Variants in UGT3A2 observed in about 807,000 individuals in gnomAD.
UGT3A2 encodes the protein UDP-glycosyltransferase 3A2.
UGT3A2 carries 32 observed loss-of-function variants against 39.8 expected under a neutral mutation model. The observed-to-expected ratio is 0.80, with a 90% confidence interval of 0.61 to 1.08. The LOEUF (loss-of-function observed/expected upper bound fraction) is 1.08, where lower values mean the gene tolerates loss of function less well. UGT3A2 is among the 50% of genes least tolerant of loss of function. The pLI, the probability that UGT3A2 is intolerant of heterozygous loss-of-function variation, is 0.00. For missense variants in UGT3A2, 611 were observed against 637.1 expected (o/e 0.96, Z 0.44); for synonymous variants, 241 against 230.7 (o/e 1.04, Z -0.40).
intron 4 of UGT3A2, among the ~76,000 whole-genome samples, chr5:36,044,933 A>T (rs569486189): frequency 2.2e-4 from 33 of 152,272 alleles, no homozygotes; most frequent in African/African-American, 6.0e-4. Context: ...GATTCAATTC[A>T]ATCTCTATAA....
intron 2 of UGT3A2, among the ~76,000 whole-genome samples, chr5:36,062,607 T>C (rs1561498712): frequency 6.6e-6 from 1 of 152,140 alleles, no homozygotes; most frequent in Admixed American, 6.5e-5. Flanking sequence ...TCTATATCTC[T>C]GTTTTGGTAC....
intron 6 of UGT3A2, among the ~76,000 whole-genome samples, chr5:36,037,183 T>C (rs1337301632): frequency 6.6e-6 from 1 of 152,106 alleles, no homozygotes; most frequent in African/African-American, 2.4e-5. Context: ...GGAGGATCAT[T>C]TGAGCCCAGG....
intron 2 of UGT3A2, among the ~76,000 whole-genome samples, chr5:36,056,953 T>G (rs1008615424): frequency 1.1e-4 from 17 of 152,240 alleles, no homozygotes; most frequent in Non-Finnish European, 8.8e-5. Context: ...TTTCCTTCCT[T>G]CTGAGTCATC....
rs770447742 is a variant in UGT3A2 at position 36,066,770 on chromosome 5, A to T, written c.20T>A (p.Leu7His). The stretch of plus-strand genomic sequence containing the variant: ...AGGGAGAAGGAAGCCCACTAGAAGA[A>T]GCACTCGCTGCCCAGCCATGCTCAC... MAGQRV[L>H]LLVGFLLPGV... The change falls in exon 1 of 7, where the codon CTT (leucine) becomes CAT (histidine). Residue 7 changes from leucine to histidine, a missense_variant. Coordinates refer to ENST00000282507, the MANE Select transcript of UGT3A2 (RefSeq NM_174914.4). 1 of 1,614,214 alleles carries T rather than the reference A, an allele frequency of 6.2e-7. No homozygotes were observed.
chr5:36,064,893 T>G (rs959456019), intron 1 of UGT3A2, among the ~76,000 whole-genome samples: 2 of 152,128 alleles, frequency 1.3e-5, no homozygotes, highest in African/African-American at 4.8e-5. Flanking sequence ...CTACTTAGAA[T>G]CCAAATCCTT....
intron 5 of UGT3A2, among the ~76,000 whole-genome samples, chr5:36,039,244 C>T (rs577833420): frequency 2.0e-5 from 3 of 152,294 alleles, no homozygotes; most frequent in East Asian, 3.9e-4. Flanking sequence ...GGACTGCAGA[C>T]ATCAGGTCTG....
intron 2 of UGT3A2, among the ~76,000 whole-genome samples, chr5:36,054,234 T>C (rs143974655): frequency 1.7e-3 from 258 of 152,304 alleles, no homozygotes; most frequent in Admixed American, 3.9e-3. Flanking sequence ...AAAATCCTTA[T>C]ATTAATCACA....
Position 36,035,112 on chromosome 5 carries a change from C to T in UGT3A2, c.*586G>A, listed in dbSNP as rs1176240225. On this transcript the variant is annotated 3_prime_UTR_variant, in exon 7 of 7. Coordinates refer to ENST00000282507, the MANE Select transcript of UGT3A2 (RefSeq NM_174914.4). ...AAGCCTGCTCAGCCAAGAAGGAGCT[C>T]ACTGTGGGCACCAGAGACAGGGACC... 1 of 154,726 alleles carries T rather than the reference C, an allele frequency of 6.5e-6. No individual in the cohort carries two copies. The highest frequency in any genetic ancestry group is 2.4e-5 in the African/African-American group (1 of 41,446). The allele number at this position is 154,726 out of a possible 1,614,324, so 9.6% of individuals were successfully genotyped here. A position where few individuals can be genotyped will look rare whatever the true frequency, so the allele number is the denominator to read the frequency against.
chr5:36,046,510 C>T (rs958039554), intron 4 of UGT3A2, among the ~76,000 whole-genome samples: 9 of 152,058 alleles, frequency 5.9e-5, no homozygotes, highest in African/African-American at 1.9e-4. Context: ...AAGCCAGACA[C>T]GGAAAGACAA....
intron 4 of UGT3A2, among the ~76,000 whole-genome samples, chr5:36,041,574 G>C (rs1742007561): frequency 6.6e-6 from 1 of 152,108 alleles, no homozygotes; most frequent in Admixed American, 6.6e-5. Flanking sequence ...GGGAAAGTAA[G>C]GGAAGAGAAC....
At chr5:36,057,810 G>A (rs1287261) in intron 2 of UGT3A2, among the ~76,000 whole-genome samples, 87,344 of 151,974 alleles carry the variant, frequency 0.57, 29,653 homozygotes, top group Non-Finnish European at 0.75. Flanking sequence ...AAAGTGCTGG[G>A]ATTACAAATG....
chr5:36,037,751 T>A, intron 6 of UGT3A2, 46 bp downstream of exon 6: 1 of 1,605,632 alleles, frequency 6.2e-7, no homozygotes, highest in Non-Finnish European at 8.5e-7. Context: ...CTTAGTGTTT[T>A]TGCCTTCATT....
At chr5:36,049,961 C>T (rs12653480) in intron 3 of UGT3A2, among the ~76,000 whole-genome samples, 5,973 of 151,874 alleles carry the variant, frequency 0.039, 188 homozygotes, top group East Asian at 0.12. Context: ...AAATCTCAGC[C>T]GAAAATGAGA....
chr5:36,051,836 G>A (rs1316556719), intron 3 of UGT3A2, 34 bp downstream of exon 3: 1 of 1,473,178 alleles, frequency 6.8e-7, no homozygotes, highest in Non-Finnish European at 9.3e-7. Flanking sequence ...TGAAAATGGT[G>A]ACCTTTTTGT....
chr5:36,064,104 G>T, intron 2 of UGT3A2, 145 bp downstream of exon 2: 1 of 704,766 alleles, frequency 1.4e-6, no homozygotes, highest in Non-Finnish European at 2.3e-6. Flanking sequence ...AAGTTTTTTG[G>T]CACTTTACAT....
In UGT3A2 at chr5:36,035,624, C is replaced by T; in HGVS notation, c.*74G>A. On this transcript the variant is annotated 3_prime_UTR_variant, in exon 7 of 7. Transcript: ENST00000282507. Reference sequence around the variant, plus strand: ...TAGAAGGACTAGAGAATGGGGCTGCCAGAACTAGTGGGAAGCTCCCTAGAA... The same window carrying T: ...TAGAAGGACTAGAGAATGGGGCTGCTAGAACTAGTGGGAAGCTCCCTAGAA... 1 of 1,553,056 alleles carries T rather than the reference C, an allele frequency of 6.4e-7. No homozygotes were observed. The highest frequency in any genetic ancestry group is 1.2e-5 in the South Asian group (1 of 81,460).
At position 36,063,557 on chromosome 5, in the gene UGT3A2, G is replaced by C. The variant is rs528774612; in HGVS notation, c.196+692C>G. Among the ~76,000 whole-genome samples, 3 of 152,310 alleles carry C rather than the reference G, an allele frequency of 2.0e-5. No individual in the cohort carries two copies. The East Asian group carries it at 5.8e-4, about 29-fold the overall frequency. On this transcript the variant is annotated intron_variant, in intron 2 of 6. Coordinates refer to ENST00000282507, the MANE Select transcript of UGT3A2 (RefSeq NM_174914.4). The stretch of plus-strand genomic sequence containing the variant: ...TACTTAAATTCCGATATCATAAAAA[G>C]AGGAAAAGTAATCTATAAAAAGAAC...
At chr5:36,054,032 T>C (rs1742430672) in intron 2 of UGT3A2, among the ~76,000 whole-genome samples, 1 of 152,216 alleles carries the variant, frequency 6.6e-6, no homozygotes, top group South Asian at 2.1e-4. Context: ...TGATAGCTAA[T>C]GAGCTAAAAA....
At chr5:36,055,597 C>T (rs1742486691) in intron 2 of UGT3A2, among the ~76,000 whole-genome samples, 1 of 152,172 alleles carries the variant, frequency 6.6e-6, no homozygotes, top group South Asian at 2.1e-4. Context: ...CCTCATCATC[C>T]TTTTAATATG....
Sources: allele counts gnomAD v4.1 joint callset (sites outside exome capture counted in the v4.1 genomes callset), GRCh38; gene constraint gnomAD v4.1.1; transcripts MANE v1.5; gene names NCBI Gene and HGNC (gene_info 2026-07-23, HGNC 2026-07-21).